The following LARS2 variants were observed in gnomAD, a reference collection of about 807,000 sequenced individuals.
LARS2 encodes leucyl-tRNA synthetase 2, mitochondrial.
LARS2 carries 81 observed loss-of-function variants against 116.6 expected under a neutral mutation model. The observed-to-expected ratio is 0.69, with a 90% CI of 0.58 to 0.84. The LOEUF is 0.84. Ranked by LOEUF, LARS2 falls within the 40% of genes least tolerant of loss-of-function variation. The pLI is 0.00. For synonymous variants in LARS2, 396 were observed against 407.2 expected (o/e 0.97, Z 0.33); for missense variants, 968 against 1,114.5 (o/e 0.87, Z 1.87).
intron 8 of LARS2, among the ~76,000 whole-genome samples, chr3:45,460,434 A>G (rs979195250): frequency 2.2e-4 from 34 of 152,130 alleles, no homozygotes; most frequent in African/African-American, 8.0e-4. Flanking sequence ...AAGTCCACCT[A>G]ATTAGCTCTT....
At chr3:45,447,377 C>T (rs1486641212) in intron 7 of LARS2, among the ~76,000 whole-genome samples, 1 of 152,156 alleles carries the variant, frequency 6.6e-6, no homozygotes, top group Non-Finnish European at 1.5e-5. Flanking sequence ...TGGATGTCCC[C>T]TCCAAAACTC....
chr3:45,474,365 G>C lies in LARS2; in HGVS notation c.858+15G>C, dbSNP rs766083650. ...TCACATTAAAGGTGATTAAGTAATA[G>C]CAGCTCCAGCAATTCATGATCACAA... is the stretch of plus-strand genomic sequence containing the variant. On this transcript the variant is annotated intron_variant, in intron 9 of 21. Transcript: ENST00000645846. The C allele has an allele frequency of 1.3e-6, 2 of 1,502,020 alleles. No homozygotes were observed. Among genetic ancestry groups the C allele is most frequent in the Non-Finnish European group, 1.8e-6 (2 of 1,083,372 alleles). 93.0% of individuals were successfully genotyped at this position (1,502,020 alleles called of 1,614,324 possible).
Position 45,491,808 on chromosome 3 carries a change from G to A in LARS2, c.1523+8G>A. The A allele has an allele frequency of 6.2e-7, 1 of 1,612,316 alleles. No individual in the cohort carries two copies. The highest frequency in any genetic ancestry group is 8.5e-7 in the Non-Finnish European group (1 of 1,179,154). ...GAACTGCTCCTGCCCAAGGTAAGGA[G>A]CCACATCCCTGCAGTGGTGACTGTG... On this transcript the variant is annotated splice_region_variant and intron_variant, in intron 13 of 21. Coordinates refer to ENST00000645846, the MANE Select transcript of LARS2 (RefSeq NM_015340.4).
Position 45,533,404 on chromosome 3 carries a change from A to C in LARS2, c.2405-8425A>C, listed in dbSNP as rs186117703. Among the ~76,000 whole-genome samples the C allele has an allele frequency of 2.7e-4, 41 of 151,762 alleles. 1 individual carries two copies. In the East Asian group the frequency reaches 5.3e-3, roughly 19 times the overall value. On this transcript the variant is annotated intron_variant, in intron 20 of 21. Transcript: ENST00000645846. The stretch of plus-strand genomic sequence containing the variant: ...CTTCGTGATCCGCCCGCCTCGGCCT[A>C]CCAAATTGCTGGGATTACAGGCGTG...
At chr3:45,389,043 C>T (rs1158344336) in intron 1 of LARS2, 1 of 152,168 alleles carries the variant, frequency 6.6e-6, no homozygotes, top group East Asian at 1.9e-4. Flanking sequence ...GTCGTTTTCA[C>T]GTTAGGGCTC....
intron 20 of LARS2, 192 bp from the exon 21 acceptor site, chr3:45,541,637 C>T (rs754755928): frequency 5.0e-6 from 3 of 605,504 alleles, no homozygotes; most frequent in Non-Finnish European, 8.4e-6. Context: ...TTGTGAAAAA[C>T]AAAAGCTACC....
chr3:45,463,342 T>G (rs1324114961), intron 8 of LARS2, among the ~76,000 whole-genome samples: 1 of 152,254 alleles, frequency 6.6e-6, no homozygotes, highest in Non-Finnish European at 1.5e-5. Flanking sequence ...TAAATGGACA[T>G]AAGCATGCCT....
intron 20 of LARS2, among the ~76,000 whole-genome samples, chr3:45,527,324 A>G (rs1019971245): frequency 3.3e-5 from 5 of 152,098 alleles, no homozygotes; most frequent in Non-Finnish European, 5.9e-5. Flanking sequence ...GTGATTGGGT[A>G]TCTTAAGAAA....
At chr3:45,518,555 C>G (rs1700406455) in intron 18 of LARS2, among the ~76,000 whole-genome samples, 1 of 152,184 alleles carries the variant, frequency 6.6e-6, no homozygotes, top group South Asian at 2.1e-4. Flanking sequence ...TGCCTAACGT[C>G]ACACGGCTAG....
chr3:45,457,385 TA>T (rs1699230800), intron 7 of LARS2, among the ~76,000 whole-genome samples: 1 of 152,164 alleles, frequency 6.6e-6, no homozygotes, highest in Admixed American at 6.5e-5. Flanking sequence ...AATTGCTTAT[TA>T]AAAATTTTAC....
At chr3:45,444,551 C>T in intron 6 of LARS2, among the ~76,000 whole-genome samples, 1 of 140,240 alleles carries the variant, frequency 7.1e-6, no homozygotes, top group Non-Finnish European at 1.5e-5. Context: ...GTAGTCCCAG[C>T]TACTTGGTAG....
chr3:45,445,076 C>T (rs534536577), intron 6 of LARS2, among the ~76,000 whole-genome samples: 1 of 152,302 alleles, frequency 6.6e-6, no homozygotes, highest in Non-Finnish European at 1.5e-5. Flanking sequence ...ACCCACATCC[C>T]CTATCCCAGT....
rs1167225098 is a variant in LARS2, at chr3:45,513,157, G to GC, written c.1786dup (p.Gln596ProfsTer47). The GC allele has an allele frequency of 6.2e-7, 1 of 1,613,216 alleles. No individual in the cohort carries two copies. Among genetic ancestry groups the GC allele is most frequent in the African/African-American group, 1.3e-5 (1 of 74,988 alleles). ...CAGGGAGCCTTTTCATAAGCTGCTG[G>GC]CCCAAGGCCTTATCAAGGGGCAGAC... On this transcript the variant is annotated frameshift_variant, in exon 16 of 22. Coordinates refer to ENST00000645846, the MANE Select transcript of LARS2 (RefSeq NM_015340.4). LOFTEE classifies it high-confidence loss of function.
rs755649217 is a variant in LARS2, at chr3:45,516,140, G to A, written c.1908G>A (p.Thr636=). 1.7e-5 allele frequency: 27 copies of A among 1,614,078 alleles called. No homozygotes were observed. Among genetic ancestry groups the A allele is most frequent in the African/African-American group, 1.5e-4 (11 of 74,924 alleles). Residue 636 remains threonine (T), a synonymous_variant, in exon 17 of 22, where the codon ACG becomes ACA. Transcript: ENST00000645846. The part of the protein sequence containing the change: ...HAKTKEKLEV[T]WEKMSKSKHN... Reference sequence around the variant, plus strand: ...AAACGAAAGAGAAGTTAGAGGTGACGTGGGAGAAGATGAGTAAGTCCAAAC... The same window carrying A: ...AAACGAAAGAGAAGTTAGAGGTGACATGGGAGAAGATGAGTAAGTCCAAAC...
At chr3:45,508,481 A>G (rs900373671) in intron 15 of LARS2, among the ~76,000 whole-genome samples, 1 of 152,084 alleles carries the variant, frequency 6.6e-6, no homozygotes, top group East Asian at 1.9e-4. Flanking sequence ...ATTATGTGAC[A>G]TGATGGCCCT....
At chr3:45,394,016 T>C (rs1278450443) in intron 2 of LARS2, among the ~76,000 whole-genome samples, 2 of 152,232 alleles carry the variant, frequency 1.3e-5, no homozygotes, top group Non-Finnish European at 1.5e-5. Context: ...AGACCCCTTC[T>C]GATATTTGAG....
chr3:45,398,599 C>T (rs1698089575), intron 3 of LARS2, among the ~76,000 whole-genome samples: 2 of 152,312 alleles, frequency 1.3e-5, no homozygotes, highest in South Asian at 4.1e-4. Context: ...TTACCTGTTG[C>T]TCTTCCTTTC....
intron 10 of LARS2, among the ~76,000 whole-genome samples, chr3:45,484,255 C>A (rs1357623320): frequency 6.6e-6 from 1 of 151,670 alleles, no homozygotes; most frequent in Non-Finnish European, 1.5e-5. Context: ...TAAAACATGG[C>A]AAGTATTATA....
intron 10 of LARS2, among the ~76,000 whole-genome samples, chr3:45,483,653 AAAAAG>A (rs1301227891): frequency 1.3e-5 from 2 of 152,170 alleles, no homozygotes; most frequent in Admixed American, 6.5e-5. Flanking sequence ...TGTCTCAAAA[AAAAAG>A]AAAAGAAAAG....
Sources: gnomAD v4.1 joint callset for allele counts (sites outside exome capture counted in the v4.1 genomes callset) on GRCh38, gnomAD v4.1.1 for gene constraint, MANE v1.5 for transcripts, NCBI Gene and HGNC (gene_info 2026-07-23, HGNC 2026-07-21) for gene names.